The following ACER2 variants were observed in gnomAD, a reference collection of about 807,000 sequenced individuals.
ACER2 encodes alkaline ceramidase 2, also known as alkCDase 2.
ACER2 carries 26 observed loss-of-function variants against 34.7 expected under a neutral mutation model. The observed-to-expected ratio is 0.75, with a 90% CI of 0.55 to 1.04. ACER2 has a LOEUF of 1.04. ACER2 is among the 50% of genes least tolerant of loss of function. The pLI is 0.00. For missense variants in ACER2, 352 were observed against 340.8 expected (o/e 1.03, Z -0.26); for synonymous variants, 138 against 132.1 (o/e 1.04, Z -0.31).
chr9:19,415,127 A>T (rs1211383201), intron 1 of ACER2, among the ~76,000 whole-genome samples: 1 of 152,166 alleles, frequency 6.6e-6, no homozygotes, highest in African/African-American at 2.4e-5. Flanking sequence ...AGAATAATGT[A>T]ATTTCAGTAT....
chr9:19,440,166 C>G (rs758853401), intron 4 of ACER2, among the ~76,000 whole-genome samples: 2 of 152,160 alleles, frequency 1.3e-5, no homozygotes, highest in Non-Finnish European at 2.9e-5. Flanking sequence ...TTCTCCTCAC[C>G]ATGCTTGAAA....
intron 4 of ACER2, among the ~76,000 whole-genome samples, chr9:19,436,175 C>T (rs991368959): frequency 6.6e-6 from 1 of 151,958 alleles, no homozygotes; most frequent in Admixed American, 6.5e-5. Context: ...CCTCAGCGTC[C>T]CAAAGTATTG....
chr9:19,420,252 T>G (rs1383607466), intron 1 of ACER2, among the ~76,000 whole-genome samples: 2 of 152,256 alleles, frequency 1.3e-5, no homozygotes, highest in Non-Finnish European at 2.9e-5. Flanking sequence ...CTGAAAGCCC[T>G]GTGCCCTTGG....
At chr9:19,416,352 C>G (rs150032270) in intron 1 of ACER2, among the ~76,000 whole-genome samples, 171 of 152,072 alleles carry the variant, frequency 1.1e-3, no homozygotes, top group African/African-American at 3.9e-3. Context: ...AGGAGTTAAG[C>G]CAAGGAGGTC....
At chr9:19,424,673 T>G in intron 2 of ACER2, 27 bp from the exon 3 acceptor site, 1 of 1,611,888 alleles carries the variant, frequency 6.2e-7, no homozygotes, top group Non-Finnish European at 8.5e-7. Context: ...GTGGTGACCT[T>G]TTTTTATTGG....
intron 3 of ACER2, among the ~76,000 whole-genome samples, chr9:19,434,658 A>C (rs1462834425): frequency 6.6e-6 from 1 of 152,192 alleles, no homozygotes; most frequent in Non-Finnish European, 1.5e-5. Context: ...CTGCAATTGC[A>C]GGCACTCCGC....
At chr9:19,425,403 G>C (rs1173678037) in intron 3 of ACER2, among the ~76,000 whole-genome samples, 1 of 152,144 alleles carries the variant, frequency 6.6e-6, no homozygotes, top group African/African-American at 2.4e-5. Flanking sequence ...TTTCAGGAAG[G>C]GATGCATTTT....
intron 3 of ACER2, among the ~76,000 whole-genome samples, chr9:19,433,149 CTTTTTTTTTT>C (rs57915019): frequency 3.3e-5 from 2 of 61,308 alleles, no homozygotes; most frequent in Admixed American, 2.1e-4. Context: ...GTGTGAGTGG[CTTTTTTTTTT>C]TTTTTTTTTT....
At chr9:19,422,541 T>C (rs895635384) in intron 1 of ACER2, among the ~76,000 whole-genome samples, 1 of 152,128 alleles carries the variant, frequency 6.6e-6, no homozygotes, top group Non-Finnish European at 1.5e-5. Context: ...AAATAGGTTT[T>C]GGTTAGGATG....
chr9:19,424,000 C>T (rs746519155), intron 2 of ACER2, 24 bp downstream of exon 2: 42 of 1,539,030 alleles, frequency 2.7e-5, no homozygotes, highest in East Asian at 6.7e-5. Flanking sequence ...TTTGGGAACA[C>T]GGACTTAATG....
intron 4 of ACER2, among the ~76,000 whole-genome samples, chr9:19,437,710 CT>C (rs1188432505): frequency 6.6e-6 from 1 of 152,186 alleles, no homozygotes; most frequent in East Asian, 1.9e-4. Flanking sequence ...TCTTCTCCCC[CT>C]GAAATGCCCT....
chr9:19,412,724 G>A (rs1250301845), intron 1 of ACER2, among the ~76,000 whole-genome samples: 1 of 149,626 alleles, frequency 6.7e-6, no homozygotes, highest in Non-Finnish European at 1.5e-5. Flanking sequence ...TTTCCAAGAT[G>A]GTACTGTGTA....
intron 5 of ACER2, among the ~76,000 whole-genome samples, chr9:19,449,501 T>G (rs1374331227): frequency 6.6e-6 from 1 of 152,250 alleles, no homozygotes; most frequent in Non-Finnish European, 1.5e-5. Context: ...TTTCATATTG[T>G]CACATCTGTT....
intron 4 of ACER2, among the ~76,000 whole-genome samples, chr9:19,444,881 T>C (rs973041472): frequency 2.0e-5 from 3 of 152,232 alleles, no homozygotes; most frequent in African/African-American, 7.2e-5. Flanking sequence ...AAGGGATGTA[T>C]TTAGCCTTCC....
At position 19,451,463 on chromosome 9, in the gene ACER2, G is replaced by C. The variant is rs1246551580; in HGVS notation, c.*827G>C. ...GAATCCTTTTACTACTACCTCTGTG[G>C]AGAGATGGAGAGACTTCAGATAAAC... On this transcript the variant is annotated 3_prime_UTR_variant, in exon 6 of 6. Transcript: ENST00000340967. 2 of 152,638 alleles carry C rather than the reference G, an allele frequency of 1.3e-5. No individual in the cohort carries two copies. The highest frequency in any genetic ancestry group is 3.8e-4 in the East Asian group (2 of 5,202). 9.5% of individuals were successfully genotyped at this position (152,638 alleles called of 1,614,324 possible).
intron 1 of ACER2, among the ~76,000 whole-genome samples, chr9:19,415,786 A>C (rs1314037660): frequency 6.6e-6 from 1 of 152,184 alleles, no homozygotes; most frequent in Non-Finnish European, 1.5e-5. Context: ...GCAATGCATT[A>C]TATTTCTCAA....
At chr9:19,445,831 T>A (rs898144136) in intron 4 of ACER2, among the ~76,000 whole-genome samples, 5 of 152,054 alleles carry the variant, frequency 3.3e-5, no homozygotes, top group African/African-American at 1.2e-4. Context: ...AAATTGGCTG[T>A]AGGGGCAAGG....
Position 19,451,514 on chromosome 9 carries a change from C to T in ACER2, c.*878C>T, listed in dbSNP as rs1831567867. The T allele has an allele frequency of 6.6e-6, 1 of 152,656 alleles. No individual in the cohort carries two copies. Among genetic ancestry groups the T allele is most frequent in the Non-Finnish European group, 1.5e-5 (1 of 68,042 alleles). The allele number at this position is 152,656 out of a possible 1,614,324, so 9.5% of individuals were successfully genotyped here. The stretch of plus-strand genomic sequence containing the variant: ...GTGAAGCTAATGAGTAAAACCCTCT[C>T]TGCCAAAACCTACACTCCACTTTAG... On this transcript the variant is annotated 3_prime_UTR_variant, in exon 6 of 6. Transcript: ENST00000340967.
chr9:19,425,797 G>A (rs1830540846), intron 3 of ACER2, among the ~76,000 whole-genome samples: 1 of 152,166 alleles, frequency 6.6e-6, no homozygotes, highest in Non-Finnish European at 1.5e-5. Context: ...TTTTCTGTAG[G>A]ACACTGTTTT....
Sources: gnomAD v4.1 joint callset for allele counts (sites outside exome capture counted in the v4.1 genomes callset) on GRCh38, gnomAD v4.1.1 for gene constraint, MANE v1.5 for transcripts, NCBI Gene and HGNC (gene_info 2026-07-23, HGNC 2026-07-21) for gene names.